Variants in TGFBR2 observed in about 807,000 individuals in gnomAD.
The protein encoded by TGFBR2 is transforming growth factor beta receptor 2.
In TGFBR2, 18 loss-of-function variants were observed where a neutral mutation model predicts 49.0. That is an observed-to-expected ratio of 0.37 (90% CI 0.25 to 0.54). The LOEUF (loss-of-function observed/expected upper bound fraction) is 0.54. Among genes scored for constraint, TGFBR2 ranks in the 20% least tolerant of loss-of-function variants. The pLI is 0.85. For synonymous variants in TGFBR2, 282 were observed against 275.9 expected (o/e 1.02, Z -0.22); for missense variants, 525 against 722.6 (o/e 0.73, Z 3.13).
chr3:30,629,214 C>G (rs147827132), intron 1 of TGFBR2, among the ~76,000 whole-genome samples: 186 of 152,324 alleles, frequency 1.2e-3, no homozygotes, highest in African/African-American at 4.3e-3. Flanking sequence ...AATGGCTGGT[C>G]TGACTTGGAA....
chr3:30,642,502 TC>T (rs1425580141), intron 1 of TGFBR2, among the ~76,000 whole-genome samples: 1 of 152,206 alleles, frequency 6.6e-6, no homozygotes, highest in East Asian at 1.9e-4. Context: ...TTTTTAAATT[TC>T]CTCAGGTGAT....
At position 30,606,994 on chromosome 3, in the gene TGFBR2, C is replaced by G. The variant is rs1697935038; in HGVS notation, c.94+17C>G. On this transcript the variant is annotated intron_variant, in intron 1 of 6. Coordinates refer to ENST00000295754, the MANE Select transcript of TGFBR2 (RefSeq NM_003242.6). ...AGAAGTCGGGTGAGTGGTCCCCAGC[C>G]CGGGCTCGGCGGGGCGCCGGGGGTC... is the stretch of plus-strand genomic sequence containing the variant. The G allele has an allele frequency of 6.4e-7, 1 of 1,570,606 alleles. No individual in the cohort carries two copies. The highest frequency in any genetic ancestry group is 1.4e-5 in the African/African-American group (1 of 73,808).
intron 1 of TGFBR2, 39 bp downstream of exon 1, chr3:30,607,016 G>A: frequency 6.6e-7 from 1 of 1,526,290 alleles, no homozygotes; most frequent in South Asian, 1.2e-5. Context: ...GGGCGCCGGG[G>A]GTCTTCCTGG....
chr3:30,660,638 G>A (rs1280729864), intron 3 of TGFBR2, among the ~76,000 whole-genome samples: 1 of 152,108 alleles, frequency 6.6e-6, no homozygotes, highest in Non-Finnish European at 1.5e-5. Context: ...ACCAACACCT[G>A]TTTTACCCCA....
At chr3:30,644,714 A>G (rs200173298) in intron 1 of TGFBR2, 33 bp from the exon 2 acceptor site, 24 of 1,607,026 alleles carry the variant, frequency 1.5e-5, no homozygotes, top group African/African-American at 1.3e-5. Flanking sequence ...TGGCAGTTGG[A>G]TAATCATTTA....
chr3:30,645,819 C>CCTCTCTCTCTCT (rs4016205), intron 2 of TGFBR2, among the ~76,000 whole-genome samples: 4 of 147,890 alleles, frequency 2.7e-5, no homozygotes, highest in East Asian at 2.0e-4. Flanking sequence ...CACATTTTCT[C>CCTCTCTCTCTCT]CTCTCTCTCT....
chr3:30,669,340 C>G (rs1183231492), intron 3 of TGFBR2, among the ~76,000 whole-genome samples: 1 of 151,802 alleles, frequency 6.6e-6, no homozygotes, highest in African/African-American at 2.4e-5. Context: ...GGTTCATCAT[C>G]ATGAGCCAGG....
chr3:30,623,795 T>C (rs1056133313), intron 1 of TGFBR2, among the ~76,000 whole-genome samples: 1 of 152,228 alleles, frequency 6.6e-6, no homozygotes, highest in African/African-American at 2.4e-5. Flanking sequence ...TCAGGTATTA[T>C]TATCTTTGGC....
intron 3 of TGFBR2, among the ~76,000 whole-genome samples, chr3:30,659,236 T>C (rs1406105215): frequency 6.6e-6 from 1 of 151,990 alleles, no homozygotes; most frequent in African/African-American, 2.4e-5. Flanking sequence ...GAAGAAAAAA[T>C]AAGTGTGGAA....
Position 30,671,970 on chromosome 3 carries a change from C to G in TGFBR2, c.787C>G (p.Leu263Val). The change falls in exon 4 of 7, where the codon CTG becomes GTG. Residue 263 changes from leucine (L) to valine (V), a missense_variant. Physicochemically the swap from Leu to Val is conservative, Grantham distance 32 (BLOSUM62 1). Coordinates refer to ENST00000295754, the MANE Select transcript of TGFBR2 (RefSeq NM_003242.6). ...CTTTGCTGAGGTCTATAAGGCCAAG[C>G]TGAAGCAGAACACTTCAGAGCAGTT... is the stretch of plus-strand genomic sequence containing the variant. ...GRFAEVYKAK[L>V]KQNTSEQFET... 6.2e-7 allele frequency: 1 copy of G among 1,614,156 alleles called. No homozygotes were observed. The highest frequency in any genetic ancestry group is 8.5e-7 in the Non-Finnish European group (1 of 1,180,030).
chr3:30,643,407 A>G (rs985789184), intron 1 of TGFBR2, among the ~76,000 whole-genome samples: 1 of 152,232 alleles, frequency 6.6e-6, no homozygotes. Context: ...TGTCTTAAAC[A>G]TCATCACCAT....
intron 1 of TGFBR2, among the ~76,000 whole-genome samples, chr3:30,643,040 C>A (rs893039425): frequency 6.6e-6 from 1 of 152,008 alleles, no homozygotes; most frequent in African/African-American, 2.4e-5. Flanking sequence ...AATTTATATA[C>A]GTTTATATTT....
rs780253858 is a variant in TGFBR2, at chr3:30,691,947, C to CTA, written c.*357_*358dup. On this transcript the variant is annotated 3_prime_UTR_variant, in exon 7 of 7. Coordinates refer to ENST00000295754, the MANE Select transcript of TGFBR2 (RefSeq NM_003242.6). The stretch of plus-strand genomic sequence containing the variant: ...TATATATCTATATATGTCTATAGCT[C>CTA]TATATATATAGCCATACCTTGAAAA... 2.4e-4 allele frequency: 53 copies of CTA among 218,952 alleles called. No individual in the cohort carries two copies. The highest frequency in any genetic ancestry group is 7.3e-5 in the Non-Finnish European group (8 of 109,690). The allele number at this position is 218,952 out of a possible 1,614,324, so 13.6% of individuals were successfully genotyped here.
chr3:30,667,254 C>T (rs1158821520), intron 3 of TGFBR2, among the ~76,000 whole-genome samples: 2 of 152,166 alleles, frequency 1.3e-5, no homozygotes, highest in African/African-American at 4.8e-5. Flanking sequence ...CTGTAACTGG[C>T]GGCTGATGAA....
At chr3:30,634,598 G>A (rs948372241) in intron 1 of TGFBR2, among the ~76,000 whole-genome samples, 4 of 152,174 alleles carry the variant, frequency 2.6e-5, no homozygotes, top group African/African-American at 9.7e-5. Context: ...AGTTGAATTG[G>A]AATGTTGTAA....
At position 30,669,121 on chromosome 3, in the gene TGFBR2, C is replaced by CAAAAAAA. The variant is rs56069409; in HGVS notation, c.455-2492_455-2486dup. On this transcript the variant is annotated intron_variant, in intron 3 of 6. Coordinates refer to ENST00000295754, the MANE Select transcript of TGFBR2 (RefSeq NM_003242.6). ...TGAAACCCCGTCTCCACTAAAAATA[C>CAAAAAAA]AAAAAAAAAAAAAAAAAAAAAAAAA... Among the ~76,000 whole-genome samples the CAAAAAAA allele has an allele frequency of 1.6e-4, 13 of 83,464 alleles. 1 individual carries two copies. The highest frequency in any genetic ancestry group is 3.8e-4 in the African/African-American group (7 of 18,308). The allele number at this position is 83,464 out of a possible 152,430, so 54.8% of individuals were successfully genotyped here.
chr3:30,663,085 C>A (rs2125424365), intron 3 of TGFBR2, among the ~76,000 whole-genome samples: 1 of 152,208 alleles, frequency 6.6e-6, no homozygotes, highest in South Asian at 2.1e-4. Context: ...CTTTATGTAA[C>A]ATGCCAACAA....
At chr3:30,665,053 A>C (rs1035912750) in intron 3 of TGFBR2, among the ~76,000 whole-genome samples, 3 of 152,228 alleles carry the variant, frequency 2.0e-5, no homozygotes, top group Non-Finnish European at 4.4e-5. Context: ...TTGGTGTATT[A>C]GTGCACTAAT....
chr3:30,683,110 G>A (rs1346890656), intron 5 of TGFBR2, among the ~76,000 whole-genome samples: 3 of 152,218 alleles, frequency 2.0e-5, no homozygotes, highest in African/African-American at 7.2e-5. Flanking sequence ...ACTGTAAAAT[G>A]AGGATGTTGG....
Sources: allele counts gnomAD v4.1 joint callset (sites outside exome capture counted in the v4.1 genomes callset), GRCh38; gene constraint gnomAD v4.1.1; transcripts MANE v1.5; gene names NCBI Gene and HGNC (gene_info 2026-07-23, HGNC 2026-07-21).